The following ANK3 variants were observed in gnomAD, a reference collection of about 807,000 sequenced individuals.
ANK3 encodes ankyrin 3, also known as ankyrin-3.
A neutral mutation model predicts 370.9 loss-of-function variants in ANK3; 57 were observed. The ratio of observed to expected loss-of-function variants is 0.15; its 90% CI spans 0.12 to 0.19. The LOEUF (loss-of-function observed/expected upper bound fraction) is 0.19, where lower values mean the gene tolerates loss of function less well. Among genes scored for constraint, ANK3 ranks in the 10% least tolerant of loss-of-function variants. The pLI, the probability that ANK3 is intolerant of heterozygous loss-of-function variation, is 1.00. For missense variants in ANK3, 4,439 were observed against 5,302.1 expected (o/e 0.84, Z 5.06); for synonymous variants, 1,929 against 1,946.3 (o/e 0.99, Z 0.23).
chr10:60,167,585 A>G (rs985529003), intron 21 of ANK3, among the ~76,000 whole-genome samples: 1 of 152,166 alleles, frequency 6.6e-6, no homozygotes, highest in Non-Finnish European at 1.5e-5. Context: ...AAAATCTTAG[A>G]TTATATCCAT....
chr10:60,223,942 CT>C (rs547189220), intron 8 of ANK3, among the ~76,000 whole-genome samples: 490 of 144,684 alleles, frequency 3.4e-3, no homozygotes, highest in African/African-American at 6.9e-3. Context: ...TAGAGCCACG[CT>C]TTTTTTTTTT....
chr10:60,469,219 G>A (rs867807561), intron 2 of ANK3, among the ~76,000 whole-genome samples: 2 of 61,572 alleles, frequency 3.2e-5, no homozygotes, highest in African/African-American at 1.3e-4. Context: ...ACCACTTTTA[G>A]TGCATATATA....
chr10:60,042,734 G>A lies in ANK3; in HGVS notation c.13091C>T (p.Thr4364Met), dbSNP rs1240354731. 5 of 1,613,398 alleles carry A rather than the reference G, an allele frequency of 3.1e-6. No individual in the cohort carries two copies. The highest frequency in any genetic ancestry group is 3.4e-6 in the Non-Finnish European group (4 of 1,179,948). ...QKQGEGFKVK[T>M]KKEIRHVEKK... ...TTCCACATGCCGGATTTCTTTCTTC[G>A]TTTTCACCTTAAAACCTTCTCCCTG... is the stretch of plus-strand genomic sequence containing the variant. The change falls in exon 43 of 44, where the codon ACG becomes ATG. Residue 4364 changes from threonine to methionine, a missense_variant. Thr to Met is a moderately conservative substitution (Grantham distance 81). This residue lies in a region of ANK3 where 242 missense variants were observed against 228.0 expected (regional missense o/e 1.06). Transcript: ENST00000280772.
At chr10:60,160,100 A>G (rs1159670492) in intron 23 of ANK3, among the ~76,000 whole-genome samples, 1 of 152,076 alleles carries the variant, frequency 6.6e-6, no homozygotes, top group East Asian at 1.9e-4. Context: ...CTAAAAATAT[A>G]CTACAAAAGA....
intron 42 of ANK3, 197 bp from the exon 43 acceptor site, chr10:60,042,956 C>G (rs1027130962): frequency 6.6e-6 from 9 of 1,371,512 alleles, no homozygotes; most frequent in Non-Finnish European, 8.4e-6. Flanking sequence ...AGAGCACTGT[C>G]AAAATGAATA....
At chr10:60,444,151 T>G (rs1426938395) in intron 2 of ANK3, among the ~76,000 whole-genome samples, 1 of 152,170 alleles carries the variant, frequency 6.6e-6, no homozygotes, top group Admixed American at 6.5e-5. Context: ...GCTTATTTTT[T>G]TCTACTTCTT....
intron 1 of ANK3, among the ~76,000 whole-genome samples, chr10:60,696,496 AT>A (rs1372825237): frequency 6.6e-6 from 1 of 151,668 alleles, no homozygotes; most frequent in Non-Finnish European, 1.5e-5. Flanking sequence ...TGATGCAAAA[AT>A]CCCCAATAAA....
chr10:60,586,127 TTG>T (rs2077828169), intron 2 of ANK3, among the ~76,000 whole-genome samples: 1 of 152,048 alleles, frequency 6.6e-6, no homozygotes, highest in Non-Finnish European at 1.5e-5. Flanking sequence ...ACCTTCAAAC[TTG>T]CAAGGGTAGG....
intron 2 of ANK3, among the ~76,000 whole-genome samples, chr10:60,609,050 T>C (rs1287592580): frequency 1.3e-5 from 2 of 152,118 alleles, no homozygotes; most frequent in Non-Finnish European, 1.5e-5. Context: ...ATGCCATCAA[T>C]TGAAGAAAAG....
Position 60,316,696 on chromosome 10 carries a change from C to T in ANK3, c.115-37057G>A, listed in dbSNP as rs1593591644. Among the ~76,000 whole-genome samples the T allele has an allele frequency of 2.0e-5, 3 of 152,098 alleles. No individual in the cohort carries two copies. The East Asian group carries it at 5.8e-4, about 29-fold the overall frequency. ...CACTGCAACCCTGTCTCGCATATGCCTATATCGTAAGTATAGTTTAACCAT... is the reference window on the plus strand; with the variant it reads ...CACTGCAACCCTGTCTCGCATATGCTTATATCGTAAGTATAGTTTAACCAT... On this transcript the variant is annotated intron_variant, in intron 1 of 43. Coordinates refer to ENST00000280772, the MANE Select transcript of ANK3 (RefSeq NM_020987.5).
chr10:60,573,226 C>A (rs1228590799), intron 2 of ANK3, among the ~76,000 whole-genome samples: 4 of 148,084 alleles, frequency 2.7e-5, no homozygotes, highest in African/African-American at 9.9e-5. Flanking sequence ...CATGATTACT[C>A]TTTTTTTTTT....
intron 2 of ANK3, among the ~76,000 whole-genome samples, chr10:60,414,436 C>T (rs1031600180): frequency 1.3e-5 from 2 of 152,116 alleles, no homozygotes; most frequent in Admixed American, 6.5e-5. Flanking sequence ...ATCTTCAGTG[C>T]AGTTCAAGGA....
intron 2 of ANK3, among the ~76,000 whole-genome samples, chr10:60,527,953 C>T (rs1482662405): frequency 6.6e-6 from 1 of 152,042 alleles, no homozygotes; most frequent in Non-Finnish European, 1.5e-5. Flanking sequence ...TAGGAGAGTG[C>T]TGTAGCCTAG....
At chr10:60,363,193 C>T (rs2058888815) in intron 1 of ANK3, among the ~76,000 whole-genome samples, 1 of 152,134 alleles carries the variant, frequency 6.6e-6, no homozygotes, top group Non-Finnish European at 1.5e-5. Flanking sequence ...GATAAAGGCA[C>T]TGAATAGCTG....
intron 7 of ANK3, among the ~76,000 whole-genome samples, chr10:60,248,032 G>A (rs939567599): frequency 6.6e-5 from 10 of 152,194 alleles, no homozygotes; most frequent in African/African-American, 2.4e-4. Context: ...TTTTAAGGCT[G>A]AGGAATGTTC....
At chr10:60,544,170 G>T (rs2076912596) in intron 2 of ANK3, among the ~76,000 whole-genome samples, 2 of 152,072 alleles carry the variant, frequency 1.3e-5, no homozygotes, top group Admixed American at 1.3e-4. Context: ...AGAGAAGGGG[G>T]CAGGCATCAG....
chr10:60,091,863 T>TGG (rs2088580339), intron 28 of ANK3, among the ~76,000 whole-genome samples: 1 of 151,920 alleles, frequency 6.6e-6, no homozygotes, highest in Admixed American at 6.6e-5. Flanking sequence ...CCCGAGTAGC[T>TGG]GGGACTACAG....
chr10:60,597,608 T>G (rs1054839486), intron 2 of ANK3, among the ~76,000 whole-genome samples: 6 of 152,142 alleles, frequency 3.9e-5, no homozygotes, highest in African/African-American at 1.4e-4. Context: ...CTCCCTTTGC[T>G]TAAATTAAAT....
Position 60,070,660 on chromosome 10 carries a change from C to T in ANK3, c.10221G>A (p.Thr3407=), listed in dbSNP as rs1435461749. The T allele has an allele frequency of 8.7e-6, 14 of 1,614,014 alleles. No homozygotes were observed. Among genetic ancestry groups the T allele is most frequent in the South Asian group, 4.4e-5 (4 of 91,084 alleles). Residue 3407 remains threonine, a synonymous_variant, in exon 37 of 44, where the codon ACG becomes ACA. Transcript: ENST00000280772. This position sits in a 1 kb window ranked among gnomAD's most constrained non-coding sequence, Gnocchi z 5.7. ...CCAGAGAGTCGATCTCTGTGGCATCCGTGTCATGAGAAAACTCTGCTGTGG... is the reference window on the plus strand; with the variant it reads ...CCAGAGAGTCGATCTCTGTGGCATCTGTGTCATGAGAAAACTCTGCTGTGG... ...IATTAEFSHD[T]DATEIDSLDG... is the part of the protein sequence containing the mutation.
Sources: allele counts gnomAD v4.1 joint callset (sites outside exome capture counted in the v4.1 genomes callset), GRCh38; gene constraint gnomAD v4.1.1; regional missense constraint gnomAD v4.1.1; non-coding constraint Gnocchi (gnomAD v3.1); transcripts MANE v1.5; gene names NCBI Gene and HGNC (gene_info 2026-07-23, HGNC 2026-07-21).